The following TMEM132B variants were observed in gnomAD, a reference collection of about 807,000 sequenced individuals.
The protein encoded by TMEM132B is transmembrane protein 132B.
Under a neutral mutation model 90.8 loss-of-function variants are expected in TMEM132B, and 18 were observed. That is an observed-to-expected ratio of 0.20 (90% CI 0.14 to 0.29). TMEM132B has a LOEUF of 0.29. TMEM132B is among the 10% of genes least tolerant of loss of function. The pLI, the probability that TMEM132B is intolerant of heterozygous loss-of-function variation, is 1.00. For synonymous variants in TMEM132B, 504 were observed against 523.3 expected, an observed-to-expected ratio of 0.96 and a Z score of 0.50; for missense variants, 1,096 against 1,326.8, an observed-to-expected ratio of 0.83 and a Z score of 2.70.
intron 3 of TMEM132B, among the ~76,000 whole-genome samples, chr12:125,427,997 C>CTT (rs34770143): frequency 2.0e-5 from 3 of 146,386 alleles, no homozygotes; most frequent in Non-Finnish European, 1.5e-5. Context: ...ATGGAAAGTA[C>CTT]TTTTTTTTTT....
chr12:125,602,398 C>T (rs1419342354), intron 5 of TMEM132B, among the ~76,000 whole-genome samples: 9 of 152,034 alleles, frequency 5.9e-5, no homozygotes, highest in African/African-American at 2.2e-4. Flanking sequence ...AAAATGCCTT[C>T]GATAAAACTC....
intron 5 of TMEM132B, among the ~76,000 whole-genome samples, chr12:125,595,776 G>T (rs1885424767): frequency 2.6e-5 from 4 of 152,076 alleles, no homozygotes; most frequent in Admixed American, 2.6e-4. Context: ...TTACAAAAGA[G>T]TCCAGCAGGT....
intron 5 of TMEM132B, among the ~76,000 whole-genome samples, chr12:125,607,236 A>C (rs544768673): frequency 6.6e-6 from 1 of 152,314 alleles, no homozygotes; most frequent in South Asian, 2.1e-4. Flanking sequence ...TTAAAATAAA[A>C]ATTTTAGATG....
chr12:125,649,896 C>T (rs1886863029), intron 6 of TMEM132B, among the ~76,000 whole-genome samples: 1 of 152,012 alleles, frequency 6.6e-6, no homozygotes, highest in South Asian at 2.1e-4. Context: ...AGGGTCAGAG[C>T]CATAAGGAAG....
intron 2 of TMEM132B, among the ~76,000 whole-genome samples, chr12:125,373,048 G>A (rs372265337): frequency 6.6e-5 from 10 of 152,318 alleles, no homozygotes; most frequent in African/African-American, 2.4e-4. Context: ...TTATCCAGCT[G>A]ATTTTCTTCA....
chr12:125,263,585 A>T (rs1874618331), intron 1 of TMEM132B, among the ~76,000 whole-genome samples: 1 of 152,184 alleles, frequency 6.6e-6, no homozygotes, highest in Non-Finnish European at 1.5e-5. Flanking sequence ...TATCTTCAGC[A>T]CCCAGGACAG....
chr12:125,448,190 G>A (rs1261674532), intron 3 of TMEM132B, among the ~76,000 whole-genome samples: 1 of 152,034 alleles, frequency 6.6e-6, no homozygotes, highest in Non-Finnish European at 1.5e-5. Flanking sequence ...CTTGAACCCA[G>A]GAGGTGAAGG....
At chr12:125,416,410 AG>A (rs1418264868) in intron 3 of TMEM132B, among the ~76,000 whole-genome samples, 1 of 152,212 alleles carries the variant, frequency 6.6e-6, no homozygotes, top group Admixed American at 6.5e-5. Flanking sequence ...TTCTCCCAGG[AG>A]GGGGCTCGGA....
chr12:125,348,782 G>T (rs140651646), intron 1 of TMEM132B, among the ~76,000 whole-genome samples: 2 of 152,320 alleles, frequency 1.3e-5, no homozygotes, highest in African/African-American at 4.8e-5. Flanking sequence ...GCAAAGCCAG[G>T]ATTCAAATCC....
Position 125,654,560 on chromosome 12 carries a change from C to T in TMEM132B, c.3102C>T (p.Tyr1034=), listed in dbSNP as rs1887013685. Residue 1034 remains tyrosine (Y), a synonymous_variant, in exon 9 of 9, where the codon TAC becomes TAT. Transcript: ENST00000682704. This position sits in a 1 kb window ranked among gnomAD's most constrained non-coding sequence, Gnocchi z 5.8. ...PKRKRVKFTS[Y]TTILPEDGGP... ...GGAAGAGAGTCAAGTTCACTTCCTACACCACCATCCTCCCAGAGGACGGCG... is the reference window on the plus strand; with the variant it reads ...GGAAGAGAGTCAAGTTCACTTCCTATACCACCATCCTCCCAGAGGACGGCG... 2.5e-6 allele frequency: 4 copies of T among 1,614,166 alleles called. No homozygotes were observed. The South Asian group carries it at 4.4e-5, about 18-fold the overall frequency.
At chr12:125,373,500 G>T (rs1365081657) in intron 2 of TMEM132B, among the ~76,000 whole-genome samples, 1 of 152,208 alleles carries the variant, frequency 6.6e-6, no homozygotes, top group Non-Finnish European at 1.5e-5. Context: ...AACCAGCCAT[G>T]CAAACACCTT....
At chr12:125,266,852 G>C (rs1184265296) in intron 1 of TMEM132B, among the ~76,000 whole-genome samples, 1 of 152,242 alleles carries the variant, frequency 6.6e-6, no homozygotes, top group Admixed American at 6.5e-5. Flanking sequence ...TGACTGCCTT[G>C]AAGTCATTTA....
rs143216715 is a variant in TMEM132B, at chr12:125,600,556, A to C, written c.1437+16562A>C. 2.9e-3 allele frequency among the ~76,000 whole-genome samples: 445 copies of C among 152,330 alleles called. 1 individual carries two copies. Among genetic ancestry groups the C allele is most frequent in the African/African-American group, 1.0e-2 (415 of 41,574 alleles). On this transcript the variant is annotated intron_variant, in intron 5 of 8. Coordinates refer to ENST00000682704, the MANE Select transcript of TMEM132B (RefSeq NM_001366854.1). The stretch of plus-strand genomic sequence containing the variant: ...ATCCACAGCATCTAATCCTGGGCAT[A>C]TTAACTGAGTAAATGAATAAATGTG...
rs1268767702 is a variant in TMEM132B, at chr12:125,658,821, A to C, written c.*4111A>C. ...CCTAGTAACATCATGAAATGCACTG[A>C]ATTTGGAATTCTGGCCTAGAAAGGC... is the stretch of plus-strand genomic sequence containing the variant. On this transcript the variant is annotated 3_prime_UTR_variant, in exon 9 of 9. Transcript: ENST00000682704. The C allele has an allele frequency of 6.6e-6, 1 of 152,212 alleles. No homozygotes were observed. The highest frequency in any genetic ancestry group is 2.4e-5 in the African/African-American group (1 of 41,446). The allele number at this position is 152,212 out of a possible 1,614,324, so 9.4% of individuals were successfully genotyped here.
chr12:125,601,002 C>G (rs1885556726), intron 5 of TMEM132B, among the ~76,000 whole-genome samples: 2 of 152,102 alleles, frequency 1.3e-5, no homozygotes, highest in Admixed American at 1.3e-4. Flanking sequence ...ATTTAGACTC[C>G]CACACAATAA....
At chr12:125,553,231 CA>C (rs1423640104) in intron 4 of TMEM132B, among the ~76,000 whole-genome samples, 1 of 152,188 alleles carries the variant, frequency 6.6e-6, no homozygotes, top group East Asian at 1.9e-4. Context: ...CTATTTCCTG[CA>C]GTGGCCCAGA....
At position 125,415,182 on chromosome 12, in the gene TMEM132B, G is replaced by A. The variant is rs1004001548; in HGVS notation, c.960-349G>A. On this transcript the variant is annotated intron_variant, in intron 2 of 8. Coordinates refer to ENST00000682704, the MANE Select transcript of TMEM132B (RefSeq NM_001366854.1). The surrounding 1 kb of genome is among the most constrained non-coding windows in gnomAD (Gnocchi z 5.3). ...AGACTCTTCTCCATCTCCAGGTGAA[G>A]AATAGGCCTTGCAGATCCATCTCTT... Among the ~76,000 whole-genome samples, 1 of 152,162 alleles carries A rather than the reference G, an allele frequency of 6.6e-6. No homozygotes were observed. Among genetic ancestry groups the A allele is most frequent in the African/African-American group, 2.4e-5 (1 of 41,420 alleles).
At chr12:125,544,851 C>T (rs915852867) in intron 4 of TMEM132B, among the ~76,000 whole-genome samples, 2 of 152,074 alleles carry the variant, frequency 1.3e-5, no homozygotes, top group Admixed American at 6.5e-5. Context: ...GACATCTTGG[C>T]GTTGCTGTGA....
intron 2 of TMEM132B, among the ~76,000 whole-genome samples, chr12:125,401,544 G>A (rs985810411): frequency 1.3e-5 from 2 of 152,180 alleles, no homozygotes; most frequent in African/African-American, 4.8e-5. Flanking sequence ...TGGTGTCTGT[G>A]GGAGAGGCTT....
Sources: allele counts gnomAD v4.1 joint callset (sites outside exome capture counted in the v4.1 genomes callset), GRCh38; gene constraint gnomAD v4.1.1; non-coding constraint Gnocchi (gnomAD v3.1); transcripts MANE v1.5; gene names NCBI Gene and HGNC (gene_info 2026-07-23, HGNC 2026-07-21).